IGSF5: variants seen among roughly 807,000 people sequenced by gnomAD.
The protein encoded by IGSF5 is immunoglobulin superfamily 5 like.
In IGSF5, 41 loss-of-function variants were observed where a neutral mutation model predicts 39.4. The observed-to-expected ratio is 1.04, with a 90% CI of 0.81 to 1.35. IGSF5 has a LOEUF of 1.35. IGSF5 is among the 40% of genes most tolerant of loss of function. The probability of loss-of-function intolerance (pLI) is 0.00; values close to 1 mark genes in which losing one functional copy is unlikely to be tolerated. For synonymous variants in IGSF5, 183 were observed against 175.3 expected (o/e 1.04, Z -0.34); for missense variants, 487 against 494.6 (o/e 0.98, Z 0.15).
At chr21:39,734,443 C>CAG in the IGSF5 span, among the ~76,000 whole-genome samples, 2 of 133,912 alleles carry the variant, frequency 1.5e-5, no homozygotes, top group Non-Finnish European at 3.3e-5. Context: ...AAAAAATACA[C>CAG]ACACACACAC....
At chr21:39,744,789 C>T (rs115707057), upstream of IGSF5, among the ~76,000 whole-genome samples, 5,122 of 152,280 alleles carry the variant, frequency 0.034, 284 homozygotes, top group African/African-American at 0.11. Flanking sequence ...GTGCTCACAG[C>T]GAAGTTTCCT....
intron 7 of IGSF5, 128 bp from the exon 8 acceptor site, chr21:39,793,406 T>C: frequency 1.6e-6 from 1 of 623,618 alleles, no homozygotes. Flanking sequence ...AAAAAAAGTG[T>C]TCATGGTTAA....
intron 3 of IGSF5, among the ~76,000 whole-genome samples, chr21:39,769,017 T>C (rs2080100527): frequency 6.6e-6 from 1 of 152,160 alleles, no homozygotes; most frequent in African/African-American, 2.4e-5. Context: ...CCACTATACA[T>C]TGGGAAGGTC....
intron 2 of IGSF5, among the ~76,000 whole-genome samples, chr21:39,748,820 A>G (rs1457262841): frequency 6.6e-6 from 1 of 151,744 alleles, no homozygotes; most frequent in Non-Finnish European, 1.5e-5. Context: ...AAGTTCCACC[A>G]GAAAACAGCC....
At chr21:39,740,572 T>A (rs1040939965), upstream of IGSF5, among the ~76,000 whole-genome samples, 6 of 152,222 alleles carry the variant, frequency 3.9e-5, no homozygotes, top group African/African-American at 1.2e-4. Flanking sequence ...TACTTTCAAG[T>A]ATTCCATTAT....
chr21:39,746,231 T>C lies in IGSF5; in HGVS notation c.33T>C (p.Thr11=). The C allele has an allele frequency of 1.4e-6, 1 of 701,896 alleles. No individual in the cohort carries two copies. The highest frequency in any genetic ancestry group is 2.6e-6 in the Non-Finnish European group (1 of 384,784). The allele number at this position is 701,896 out of a possible 1,614,324, so 43.5% of individuals were successfully genotyped here. The part of the protein sequence containing the change: MGQKERSTAD[T]LPDLEEWKSA... ...ACTGGATCAGGAGCACAGCAGATAC[T>C]CTGCCGGATCTGGAGGAATGGAAGT... Residue 11 remains threonine (T), a synonymous_variant, in exon 2 of 9, where the codon ACT becomes ACC. Coordinates refer to ENST00000380588, the MANE Select transcript of IGSF5 (RefSeq NM_001080444.2).
upstream of IGSF5, among the ~76,000 whole-genome samples, chr21:39,743,843 A>AGGC (rs2079958662): frequency 6.6e-6 from 1 of 152,200 alleles, no homozygotes; most frequent in Non-Finnish European, 1.5e-5. Context: ...CTTCCCCTTG[A>AGGC]AGAGAATATC....
chr21:39,791,550 A>G (rs571236058), intron 6 of IGSF5: 1 of 152,770 alleles, frequency 6.5e-6, no homozygotes, highest in Admixed American at 6.5e-5. Flanking sequence ...TTTGCCAGCC[A>G]TATGGTCTCT....
At chr21:39,794,205 G>C in intron 8 of IGSF5, among the ~76,000 whole-genome samples, 1 of 152,334 alleles carries the variant, frequency 6.6e-6, no homozygotes, top group Non-Finnish European at 1.5e-5. Context: ...GGCCAGAACG[G>C]CTAAGAGGCT....
chr21:39,786,073 A>G (rs2086917472), intron 5 of IGSF5, among the ~76,000 whole-genome samples: 1 of 152,122 alleles, frequency 6.6e-6, no homozygotes, highest in Non-Finnish European at 1.5e-5. Flanking sequence ...TAAAACACCA[A>G]AAGCAATGGC....
the IGSF5 span, among the ~76,000 whole-genome samples, chr21:39,724,412 C>T: frequency 1.3e-5 from 2 of 152,246 alleles, no homozygotes; most frequent in African/African-American, 4.8e-5. Context: ...TGAATTCCTA[C>T]GTGTTGTGGG....
intron 4 of IGSF5, among the ~76,000 whole-genome samples, chr21:39,775,279 T>C (rs944564899): frequency 6.6e-6 from 1 of 152,192 alleles, no homozygotes; most frequent in Non-Finnish European, 1.5e-5. Context: ...GGCAAATTAC[T>C]TACCCTCTCT....
the IGSF5 span, chr21:39,722,623 C>T: frequency 6.6e-6 from 1 of 152,164 alleles, no homozygotes; most frequent in Non-Finnish European, 1.5e-5. Flanking sequence ...AGAAGCTGGC[C>T]TATCCTGTCT....
chr21:39,715,380 A>T, the IGSF5 span, among the ~76,000 whole-genome samples: 1 of 152,160 alleles, frequency 6.6e-6, no homozygotes, highest in Non-Finnish European at 1.5e-5. Flanking sequence ...CAAGCTCCCA[A>T]AGTGATGGGA....
At position 39,771,070 on chromosome 21, in the gene IGSF5, G is replaced by GT; in HGVS notation, c.573_574insT (p.Glu192Ter). ...GCCATTCAAGCTATTATTTTGTTCC[G>GT]GAGCCCAGCGACCTTCAAAGTGCAG... On this transcript the variant is annotated frameshift_variant, in exon 4 of 9. Coordinates refer to ENST00000380588, the MANE Select transcript of IGSF5 (RefSeq NM_001080444.2). LOFTEE classifies it high-confidence loss of function. The GT allele has an allele frequency of 6.2e-7, 1 of 1,613,616 alleles. No homozygotes were observed. The highest frequency in any genetic ancestry group is 1.7e-5 in the Admixed American group (1 of 59,956).
chr21:39,740,297 C>A (rs1438604946), upstream of IGSF5, among the ~76,000 whole-genome samples: 2 of 152,128 alleles, frequency 1.3e-5, no homozygotes, highest in East Asian at 3.9e-4. Flanking sequence ...CCTTTCCTTT[C>A]CTTTCTGATG....
At chr21:39,720,993 A>C in the IGSF5 span, among the ~76,000 whole-genome samples, 127 of 152,364 alleles carry the variant, frequency 8.3e-4, no homozygotes, top group East Asian at 0.014. Flanking sequence ...TGGCTGGTGG[A>C]TTGAACTGCA....
chr21:39,748,873 G>A (rs921884439), intron 2 of IGSF5, among the ~76,000 whole-genome samples: 2 of 152,116 alleles, frequency 1.3e-5, no homozygotes, highest in Non-Finnish European at 1.5e-5. Flanking sequence ...GAATTGTGAC[G>A]TGCAGCTGAA....
At chr21:39,731,484 T>A in the IGSF5 span, among the ~76,000 whole-genome samples, 1 of 152,220 alleles carries the variant, frequency 6.6e-6, no homozygotes, top group African/African-American at 2.4e-5. Context: ...GCAAAAGGGA[T>A]ATGATTTGAG....
Sources: allele counts gnomAD v4.1 joint callset (sites outside exome capture counted in the v4.1 genomes callset), GRCh38; gene constraint gnomAD v4.1.1; transcripts MANE v1.5; gene names NCBI Gene and HGNC (gene_info 2026-07-23, HGNC 2026-07-21).